Variants in CHRND observed in about 807,000 individuals in gnomAD.
CHRND encodes the protein acetylcholine receptor subunit delta.
A neutral mutation model predicts 57.8 loss-of-function variants in CHRND; 40 were observed. The ratio of observed to expected loss-of-function variants is 0.69; its 90% CI spans 0.54 to 0.90. CHRND has a LOEUF of 0.90. Among genes scored for constraint, CHRND ranks in the 40% least tolerant of loss-of-function variants. The probability of loss-of-function intolerance (pLI) is 0.00; values close to 1 mark genes in which losing one functional copy is unlikely to be tolerated. For synonymous variants in CHRND, 237 were observed against 270.6 expected (o/e 0.88, Z 1.22); for missense variants, 634 against 673.9 (o/e 0.94, Z 0.66).
At chr2:232,529,351 G>A (rs1691600224) in intron 6 of CHRND, among the ~76,000 whole-genome samples, 1 of 152,152 alleles carries the variant, frequency 6.6e-6, no homozygotes, top group African/African-American at 2.4e-5. Flanking sequence ...TTATCCTGAT[G>A]GGGGTGTCTG....
At chr2:232,533,084 G>C (rs3791728) in intron 9 of CHRND, among the ~76,000 whole-genome samples, 10,073 of 152,144 alleles carry the variant, frequency 0.066, 391 homozygotes, top group Admixed American at 0.1. Context: ...GCAGTGGTTC[G>C]ATCTCAGCTC....
At chr2:232,527,941 G>A (rs765119574) in intron 3 of CHRND, among the ~76,000 whole-genome samples, 4 of 152,232 alleles carry the variant, frequency 2.6e-5, no homozygotes, top group African/African-American at 9.6e-5. Flanking sequence ...TCACCTTCAA[G>A]TGGATTAGGA....
In CHRND at chr2:232,528,265, T is replaced by A. The variant is rs1398471764; in HGVS notation, c.247T>A (p.Trp83Arg). ...TGACATGCCTTTGGGATTCCAGGGCTGGACAGACAACCGGCTGAAGTGGAA... is the reference window on the plus strand; with the variant it reads ...TGACATGCCTTTGGGATTCCAGGGCAGGACAGACAACCGGCTGAAGTGGAA... ...LTTNVWIEHG[W>R]TDNRLKWNAE... The change falls in exon 4 of 12, where the codon TGG becomes AGG. Residue 83 changes from tryptophan to arginine, a missense_variant. Trp to Arg is a moderately radical substitution (Grantham distance 101). Transcript: ENST00000258385. 6.2e-7 allele frequency: 1 copy of A among 1,614,170 alleles called. No homozygotes were observed. Among genetic ancestry groups the A allele is most frequent in the Non-Finnish European group, 8.5e-7 (1 of 1,180,024 alleles).
rs1691455448 is a variant in CHRND, at chr2:232,526,228, G to A, written c.13G>A (p.Val5Met). The change falls in exon 1 of 12, where the codon GTG becomes ATG. Residue 5 changes from valine to methionine, a missense_variant. Physicochemically the swap from Val to Met is conservative, Grantham distance 21. Coordinates refer to ENST00000258385, the MANE Select transcript of CHRND (RefSeq NM_000751.3). MEGP[V>M]LTLGLLAALA... Reference sequence around the variant, plus strand: ...TCAGAGGGATGGGATGGAGGGGCCAGTGCTGACACTGGGGCTGCTGGCTGC... The same window carrying A: ...TCAGAGGGATGGGATGGAGGGGCCAATGCTGACACTGGGGCTGCTGGCTGC... The A allele has an allele frequency of 6.2e-7, 1 of 1,610,194 alleles. No individual in the cohort carries two copies. Among genetic ancestry groups the A allele is most frequent in the Non-Finnish European group, 8.5e-7 (1 of 1,177,878 alleles).
In CHRND at chr2:232,536,501, G is replaced by C. The variant is rs556909638; in HGVS notation, c.*1189G>C. The C allele has an allele frequency of 1.9e-3, 851 of 453,340 alleles. 12 individuals are homozygous for C. The highest frequency in any genetic ancestry group is 2.8e-3 in the South Asian group (183 of 64,464). 28.1% of individuals were successfully genotyped at this position (453,340 alleles called of 1,614,324 possible). A position where few individuals can be genotyped will look rare whatever the true frequency, so the allele number is the denominator to read the frequency against. ...CAGCCACGTGAGTGAATGTGGAAGTGGATCCTCTGCCCCAGTAGGGCCTTC... is the reference window on the plus strand; with the variant it reads ...CAGCCACGTGAGTGAATGTGGAAGTCGATCCTCTGCCCCAGTAGGGCCTTC... On this transcript the variant is annotated 3_prime_UTR_variant, in exon 12 of 12. Transcript: ENST00000258385.
In CHRND at chr2:232,528,924, G is replaced by A. The variant is rs748125160; in HGVS notation, c.572G>A (p.Arg191His). 29 of 1,613,924 alleles carry A rather than the reference G, an allele frequency of 1.8e-5. No individual in the cohort carries two copies. The Middle Eastern group carries it at 4.9e-4, about 27-fold the overall frequency. ...LSLKQDAKEN[R>H]TYPVEWIIID... is the part of the protein sequence containing the mutation. ...CTGAAACAGGATGCCAAGGAGAACC[G>A]CACCTACCCCGTGGAGTGGATCATC... Residue 191 changes from arginine (R) to histidine (H), a missense_variant, in exon 6 of 12, where the codon CGC becomes CAC. Coordinates refer to ENST00000258385, the MANE Select transcript of CHRND (RefSeq NM_000751.3).
rs1340525223 is a variant in CHRND at position 232,531,352 on chromosome 2, G to A, written c.821G>A (p.Ser274Asn). ...VNLVFYLPADSGEKTSVAISV... is the reference protein window; with the variant it reads ...VNLVFYLPADNGEKTSVAISV... The stretch of plus-strand genomic sequence containing the variant: ...TCACAGCTAAGTCTGGCTTCCCCAG[G>A]TGGTGAGAAGACATCAGTGGCCATC... Residue 274 changes from serine (S) to asparagine (N), a missense_variant and splice_region_variant, in exon 8 of 12, where the codon AGT (serine) becomes AAT (asparagine). Coordinates refer to ENST00000258385, the MANE Select transcript of CHRND (RefSeq NM_000751.3). 2 of 1,611,756 alleles carry A rather than the reference G, an allele frequency of 1.2e-6. No individual in the cohort carries two copies. The highest frequency in any genetic ancestry group is 2.2e-5 in the East Asian group (1 of 44,860).
chr2:232,526,365 T>A, intron 1 of CHRND, 98 bp downstream of exon 1: 5 of 1,521,958 alleles, frequency 3.3e-6, no homozygotes, highest in Non-Finnish European at 4.5e-6. Flanking sequence ...CACTCTGCCA[T>A]CTCTCCCTGT....
rs746968439 is a variant in CHRND, at chr2:232,526,599, G to T, written c.123G>T (p.Glu41Asp). 1 of 1,613,692 alleles carries T rather than the reference G, an allele frequency of 6.2e-7. No homozygotes were observed. The highest frequency in any genetic ancestry group is 8.5e-7 in the Non-Finnish European group (1 of 1,180,024). The change falls in exon 2 of 12, where the codon GAG becomes GAT. Residue 41 changes from glutamate to aspartate, a missense_variant. Physicochemically the swap from Glu to Asp is conservative, Grantham distance 45. Coordinates refer to ENST00000258385, the MANE Select transcript of CHRND (RefSeq NM_000751.3). ...HLFQEKGYNK[E>D]LRPVAHKEES... ...TTCAAGAGAAGGGCTACAACAAGGA[G>T]CTCCGGCCCGTGGCACACAAAGAGG...
In CHRND at chr2:232,536,399, C is replaced by A. The variant is rs193044044; in HGVS notation, c.*1087C>A. On this transcript the variant is annotated 3_prime_UTR_variant, in exon 12 of 12. Coordinates refer to ENST00000258385, the MANE Select transcript of CHRND (RefSeq NM_000751.3). ...ATTCTCACATCAGTTGGATCTCTCACTTTGGGGAAGCCAGCTGGCATGTTA... is the reference window on the plus strand; with the variant it reads ...ATTCTCACATCAGTTGGATCTCTCAATTTGGGGAAGCCAGCTGGCATGTTA... 6.6e-6 allele frequency: 3 copies of A among 454,130 alleles called. No individual in the cohort carries two copies. Among genetic ancestry groups the A allele is most frequent in the African/African-American group, 6.0e-5 (3 of 50,134 alleles). 28.1% of individuals were successfully genotyped at this position (454,130 alleles called of 1,614,324 possible).
At position 232,535,759 on chromosome 2, in the gene CHRND, C is replaced by T. The variant is rs1183722530; in HGVS notation, c.*447C>T. The T allele has an allele frequency of 2.2e-6, 1 of 456,008 alleles. No homozygotes were observed. Among genetic ancestry groups the T allele is most frequent in the Non-Finnish European group, 4.4e-6 (1 of 228,224 alleles). 28.2% of individuals were successfully genotyped at this position (456,008 alleles called of 1,614,324 possible). A position where few individuals can be genotyped will look rare whatever the true frequency, so the allele number is the denominator to read the frequency against. On this transcript the variant is annotated 3_prime_UTR_variant, in exon 12 of 12. Coordinates refer to ENST00000258385, the MANE Select transcript of CHRND (RefSeq NM_000751.3). ...CCCTTCAACCTCAGGCTTCTGAGGC[C>T]TCACCTGGGACTGAGGTTGAGGACA...
At chr2:232,529,777 A>G (rs1293015102) in intron 6 of CHRND, among the ~76,000 whole-genome samples, 162 bp from the exon 7 acceptor site, 1 of 152,192 alleles carries the variant, frequency 6.6e-6, no homozygotes, top group African/African-American at 2.4e-5. Context: ...GGAAACTTCC[A>G]TCCCGACCCC....
chr2:232,531,378 T>A lies in CHRND; in HGVS notation c.847T>A (p.Ser283Thr). 6.2e-7 allele frequency: 1 copy of A among 1,613,798 alleles called. No homozygotes were observed. Among genetic ancestry groups the A allele is most frequent in the East Asian group, 2.2e-5 (1 of 44,878 alleles). Residue 283 changes from serine to threonine, a missense_variant, in exon 8 of 12, where the codon TCG becomes ACG. Physicochemically the swap from Ser to Thr is moderately conservative, Grantham distance 58. Transcript: ENST00000258385. ...DSGEKTSVAI[S>T]VLLAQSVFLL... ...TGGTGAGAAGACATCAGTGGCCATCTCGGTGCTCCTGGCTCAGTCTGTCTT... is the reference window on the plus strand; with the variant it reads ...TGGTGAGAAGACATCAGTGGCCATCACGGTGCTCCTGGCTCAGTCTGTCTT...
rs1399602621 is a variant in CHRND, at chr2:232,533,970, C to T, written c.1087C>T (p.Arg363Cys). The T allele has an allele frequency of 3.7e-6, 6 of 1,613,472 alleles. No individual in the cohort carries two copies. The highest frequency in any genetic ancestry group is 1.3e-5 in the African/African-American group (1 of 74,932). The change falls in exon 10 of 12, where the codon CGC (arginine) becomes TGC (cysteine). Residue 363 changes from arginine to cysteine, a missense_variant. Arg to Cys is a radical substitution (Grantham distance 180). Coordinates refer to ENST00000258385, the MANE Select transcript of CHRND (RefSeq NM_000751.3). ...ETLPELLHMS[R>C]PAEDGPSPGA... ...CCTGCCGGAGCTCCTGCACATGTCC[C>T]GCCCAGCAGAGGATGGACCCAGCCC...
chr2:232,532,814 C>G (rs1391295758), intron 9 of CHRND, among the ~76,000 whole-genome samples: 1 of 152,152 alleles, frequency 6.6e-6, no homozygotes, highest in African/African-American at 2.4e-5. Context: ...TGTTCACTAT[C>G]TCATCACTGG....
chr2:232,531,776 C>T lies in CHRND; in HGVS notation c.1047+120C>T, dbSNP rs868336044. ...CCAGCCTGGGCAACATAGAGACACC[C>T]CTGTCTCTATAAACAATCAAAAAAA... On this transcript the variant is annotated intron_variant, in intron 9 of 11. Coordinates refer to ENST00000258385, the MANE Select transcript of CHRND (RefSeq NM_000751.3). The T allele has an allele frequency of 1.5e-5, 12 of 789,662 alleles. No individual in the cohort carries two copies. In the South Asian group the frequency reaches 1.7e-4, roughly 11 times the overall value. The allele number at this position is 789,662 out of a possible 1,614,324, so 48.9% of individuals were successfully genotyped here.
intron 7 of CHRND, among the ~76,000 whole-genome samples, chr2:232,531,106 A>C (rs1457226164): frequency 2.6e-5 from 4 of 152,176 alleles, no homozygotes; most frequent in African/African-American, 9.7e-5. Context: ...CACATTTAAC[A>C]GTTGAGAAAA....
chr2:232,532,596 G>A (rs534737871), intron 9 of CHRND, among the ~76,000 whole-genome samples: 1 of 152,318 alleles, frequency 6.6e-6, no homozygotes, highest in South Asian at 2.1e-4. Context: ...AGCACCTGCG[G>A]CTGCTGCAGC....
rs1691892068 is a variant in CHRND, at chr2:232,536,335, G to A, written c.*1023G>A. On this transcript the variant is annotated 3_prime_UTR_variant, in exon 12 of 12. Transcript: ENST00000258385. ...GTACCTCACTTCCCAGATTTGGTTAGGAAAGACACTATGGCCTCTTTCTTG... is the reference window on the plus strand; with the variant it reads ...GTACCTCACTTCCCAGATTTGGTTAAGAAAGACACTATGGCCTCTTTCTTG... 1 of 454,024 alleles carries A rather than the reference G, an allele frequency of 2.2e-6. No individual in the cohort carries two copies. Among genetic ancestry groups the A allele is most frequent in the African/African-American group, 2.0e-5 (1 of 50,014 alleles). 28.1% of individuals were successfully genotyped at this position (454,024 alleles called of 1,614,324 possible). A position where few individuals can be genotyped will look rare whatever the true frequency, so the allele number is the denominator to read the frequency against.
Sources: gnomAD v4.1 joint callset for allele counts (sites outside exome capture counted in the v4.1 genomes callset) on GRCh38, gnomAD v4.1.1 for gene constraint, MANE v1.5 for transcripts, NCBI Gene and HGNC (gene_info 2026-07-23, HGNC 2026-07-21) for gene names.